The following ADAMTS12 variants were observed in gnomAD, a reference collection of about 807,000 sequenced individuals.
ADAMTS12 encodes the protein ADAM metallopeptidase with thrombospondin type 1 motif 12.
ADAMTS12 carries 118 observed loss-of-function variants against 167.8 expected under a neutral mutation model. That is an observed-to-expected ratio of 0.70 (90% CI 0.61 to 0.82). The LOEUF (loss-of-function observed/expected upper bound fraction) is 0.82, where lower values mean the gene tolerates loss of function less well. Ranked by LOEUF, ADAMTS12 falls within the 40% of genes least tolerant of loss-of-function variation. The pLI is 0.00. For missense variants in ADAMTS12, 1,916 were observed against 1,998.8 expected (o/e 0.96, Z 0.79); for synonymous variants, 704 against 716.9 (o/e 0.98, Z 0.29).
At chr5:33,642,082 T>A in intron 10 of ADAMTS12, 127 bp from the exon 11 acceptor site, 2 of 953,758 alleles carry the variant, frequency 2.1e-6, no homozygotes, top group Non-Finnish European at 1.5e-6. Context: ...ACATATCAGA[T>A]GTAAAACAAA....
rs142660993 is a variant in ADAMTS12 at position 33,886,378 on chromosome 5, A to G, written c.128-4898T>C. Reference sequence around the variant, plus strand: ...TCAATACTCACAACAACCCTGTGATAGAGATTCAGTTGTTATCCCCATTTC... The same window carrying G: ...TCAATACTCACAACAACCCTGTGATGGAGATTCAGTTGTTATCCCCATTTC... On this transcript the variant is annotated intron_variant, in intron 1 of 23. Coordinates refer to ENST00000504830, the MANE Select transcript of ADAMTS12 (RefSeq NM_030955.4). Among the ~76,000 whole-genome samples, 225 of 152,338 alleles carry G rather than the reference A, an allele frequency of 1.5e-3. 3 individuals are homozygous for G. The highest frequency in any genetic ancestry group is 5.2e-3 in the African/African-American group (218 of 41,576).
chr5:33,660,696 T>C (rs1741226867), intron 6 of ADAMTS12, among the ~76,000 whole-genome samples: 1 of 152,206 alleles, frequency 6.6e-6, no homozygotes, highest in South Asian at 2.1e-4. Context: ...CCAGGCTGTC[T>C]GCTAGCTCCC....
At chr5:33,701,864 T>G (rs1561223272) in intron 3 of ADAMTS12, among the ~76,000 whole-genome samples, 2 of 152,198 alleles carry the variant, frequency 1.3e-5, no homozygotes, top group Admixed American at 6.5e-5. Flanking sequence ...TTGCCTGCCT[T>G]AAGCTGTTTG....
chr5:33,604,323 G>A lies in ADAMTS12; in HGVS notation c.2528-8263C>T, dbSNP rs181364251. Among the ~76,000 whole-genome samples, 473 of 152,176 alleles carry A rather than the reference G, an allele frequency of 3.1e-3. 4 individuals carry two copies. In the Middle Eastern group the frequency reaches 0.044, roughly 14 times the overall value. On this transcript the variant is annotated intron_variant, in intron 16 of 23. Coordinates refer to ENST00000504830, the MANE Select transcript of ADAMTS12 (RefSeq NM_030955.4). ...TCGAGACCAGCCTGGCCAACATGGC[G>A]AAACCCCGTATCTACTAAAATTACA... is the stretch of plus-strand genomic sequence containing the variant.
At chr5:33,554,023 G>A (rs973045847) in intron 20 of ADAMTS12, among the ~76,000 whole-genome samples, 6 of 152,184 alleles carry the variant, frequency 3.9e-5, no homozygotes, top group Non-Finnish European at 8.8e-5. Flanking sequence ...GCTGAGGCAG[G>A]AGAATTCACA....
intron 23 of ADAMTS12, among the ~76,000 whole-genome samples, chr5:33,527,810 T>G (rs548523464): frequency 6.6e-6 from 1 of 152,222 alleles, no homozygotes; most frequent in African/African-American, 2.4e-5. Flanking sequence ...CCACCAAGGG[T>G]GATAAGAGAC....
chr5:33,758,009 G>A (rs932820565), intron 2 of ADAMTS12, among the ~76,000 whole-genome samples: 6 of 152,012 alleles, frequency 3.9e-5, no homozygotes, highest in Admixed American at 1.3e-4. Flanking sequence ...TGAAGCCTAC[G>A]CCTCAGTTTC....
rs957935074 is a variant in ADAMTS12 at position 33,655,462 on chromosome 5, G to A, written c.1190+2722C>T. Among the ~76,000 whole-genome samples, 5 of 152,032 alleles carry A rather than the reference G, an allele frequency of 3.3e-5. No homozygotes were observed. In the East Asian group the frequency reaches 9.6e-4, roughly 29 times the overall value. On this transcript the variant is annotated intron_variant, in intron 7 of 23. Transcript: ENST00000504830. ...CTTGGAGTTTGTCCATGGGATTAAG[G>A]TTCAACTGCTCAGAGTGGAAGCTGA... is the stretch of plus-strand genomic sequence containing the variant.
In ADAMTS12 at chr5:33,615,994, A is replaced by G; in HGVS notation, c.2222T>C (p.Leu741Pro). 6.2e-7 allele frequency: 1 copy of G among 1,614,190 alleles called. No homozygotes were observed. The change falls in exon 15 of 24, where the codon CTG (leucine) becomes CCG (proline). Residue 741 changes from leucine to proline, a missense_variant. Physicochemically the swap from Leu to Pro is moderately conservative, Grantham distance 98. Coordinates refer to ENST00000504830, the MANE Select transcript of ADAMTS12 (RefSeq NM_030955.4). ...VMEIEGAGNF[L>P]AIRSEDPEKY... is the part of the protein sequence containing the mutation. ...TTCAGGATCTTCACTCCTGATGGCC[A>G]GGAAGTTTCCAGCTCCCTCAATTTC...
chr5:33,795,901 A>T (rs965989875), intron 2 of ADAMTS12, among the ~76,000 whole-genome samples: 2 of 152,142 alleles, frequency 1.3e-5, no homozygotes, highest in Admixed American at 6.5e-5. Flanking sequence ...GGAGAGCCCC[A>T]CTCTGAAGAG....
At chr5:33,547,193 A>C (rs1428941762) in intron 21 of ADAMTS12, among the ~76,000 whole-genome samples, 1 of 152,142 alleles carries the variant, frequency 6.6e-6, no homozygotes, top group Non-Finnish European at 1.5e-5. Flanking sequence ...CAGATTCAGC[A>C]CCACCTGCCT....
chr5:33,603,641 T>C (rs760084306), intron 16 of ADAMTS12: 3 of 152,202 alleles, frequency 2.0e-5, no homozygotes. Context: ...CTCTGAGCAC[T>C]AAACTGTGGA....
At chr5:33,637,507 C>T in intron 12 of ADAMTS12, 70 bp downstream of exon 12, 2 of 1,495,156 alleles carry the variant, frequency 1.3e-6, no homozygotes, top group African/African-American at 1.4e-5. Context: ...CACAGAAACC[C>T]TGACTGACAT....
intron 3 of ADAMTS12, among the ~76,000 whole-genome samples, chr5:33,710,502 T>C (rs1027485281): frequency 3.3e-5 from 5 of 152,192 alleles, no homozygotes; most frequent in African/African-American, 1.2e-4. Context: ...TTGAAACAAA[T>C]ATTTATTATG....
At chr5:33,584,795 A>C (rs564674169) in intron 18 of ADAMTS12, among the ~76,000 whole-genome samples, 5 of 151,326 alleles carry the variant, frequency 3.3e-5, no homozygotes, top group Admixed American at 2.0e-4. Context: ...CATTACTATT[A>C]GTCTAATTAC....
intron 2 of ADAMTS12, among the ~76,000 whole-genome samples, chr5:33,853,527 A>C (rs1043422470): frequency 1.3e-5 from 2 of 152,202 alleles, no homozygotes. Flanking sequence ...GAATGGGTAC[A>C]TTTGGCCAAA....
At chr5:33,806,666 T>C (rs1235326830) in intron 2 of ADAMTS12, among the ~76,000 whole-genome samples, 1 of 152,178 alleles carries the variant, frequency 6.6e-6, no homozygotes, top group Non-Finnish European at 1.5e-5. Flanking sequence ...GGCCACAACC[T>C]GGAAACTTTC....
chr5:33,584,710 G>C (rs969971760), intron 18 of ADAMTS12, among the ~76,000 whole-genome samples: 3 of 152,200 alleles, frequency 2.0e-5, no homozygotes, highest in African/African-American at 7.2e-5. Context: ...AACAGGCTAA[G>C]AGAGAATTAG....
At chr5:33,530,424 C>T (rs256603) in intron 23 of ADAMTS12, among the ~76,000 whole-genome samples, 73,201 of 152,124 alleles carry the variant, frequency 0.48, 18,779 homozygotes, top group East Asian at 0.78. Flanking sequence ...GCTTCCTTCC[C>T]GGGCTCTGGG....
Sources: gnomAD v4.1 joint callset for allele counts (sites outside exome capture counted in the v4.1 genomes callset) on GRCh38, gnomAD v4.1.1 for gene constraint, MANE v1.5 for transcripts, NCBI Gene and HGNC (gene_info 2026-07-23, HGNC 2026-07-21) for gene names.